ANTXR2: variants seen among roughly 807,000 people sequenced by gnomAD.
ANTXR2 encodes the protein anthrax toxin receptor 2.
Under a neutral mutation model 73.7 loss-of-function variants are expected in ANTXR2, and 44 were observed. The observed-to-expected ratio is 0.60, with a 90% CI of 0.47 to 0.77. The LOEUF (loss-of-function observed/expected upper bound fraction) is 0.77. Among genes scored for constraint, ANTXR2 ranks in the 30% least tolerant of loss-of-function variants. The pLI is 0.00. For synonymous variants in ANTXR2, 217 were observed against 205.9 expected (o/e 1.05, Z -0.46); for missense variants, 604 against 592.5 (o/e 1.02, Z -0.20).
chr4:80,061,055 G>A (rs145051357), intron 3 of ANTXR2, among the ~76,000 whole-genome samples: 1 of 152,188 alleles, frequency 6.6e-6, no homozygotes, highest in Non-Finnish European at 1.5e-5. Context: ...TCCTCCACAT[G>A]GCTAGGTTGG....
intron 4 of ANTXR2, 61 bp from the exon 5 acceptor site, chr4:80,055,528 C>A: frequency 7.4e-7 from 1 of 1,357,030 alleles, no homozygotes; most frequent in South Asian, 1.3e-5. Context: ...CCAGCATGTT[C>A]CATCAAGCTG....
At chr4:80,031,837 G>T in intron 9 of ANTXR2, 145 bp from the exon 10 acceptor site, 1 of 418,898 alleles carries the variant, frequency 2.4e-6, no homozygotes, top group Non-Finnish European at 4.3e-6. Flanking sequence ...AAAGAGAAGT[G>T]AAAGGGAATG....
chr4:79,957,067 T>C (rs1728916536), intron 16 of ANTXR2, among the ~76,000 whole-genome samples: 1 of 152,160 alleles, frequency 6.6e-6, no homozygotes, highest in Admixed American at 6.6e-5. Context: ...TCATAATTTT[T>C]ATGTGATTCC....
At chr4:79,982,439 A>G (rs764436929) in intron 14 of ANTXR2, among the ~76,000 whole-genome samples, 3 of 152,158 alleles carry the variant, frequency 2.0e-5, no homozygotes, top group Non-Finnish European at 4.4e-5. Flanking sequence ...ATAAGTTGTT[A>G]CAGATCGTAT....
chr4:80,037,087 G>A (rs1733014451), intron 7 of ANTXR2, among the ~76,000 whole-genome samples: 1 of 152,070 alleles, frequency 6.6e-6, no homozygotes, highest in Admixed American at 6.6e-5. Context: ...GATGAAATAC[G>A]CTGCTCCTCA....
intron 16 of ANTXR2, among the ~76,000 whole-genome samples, chr4:79,912,483 C>T (rs996866064): frequency 6.6e-6 from 1 of 151,992 alleles, no homozygotes; most frequent in Non-Finnish European, 1.5e-5. Flanking sequence ...AACTGCCTCC[C>T]TTCTAAAGAA....
At chr4:79,910,849 G>T (rs181355047) in intron 16 of ANTXR2, among the ~76,000 whole-genome samples, 2 of 152,048 alleles carry the variant, frequency 1.3e-5, no homozygotes, top group Non-Finnish European at 2.9e-5. Context: ...AAGAGGAAAA[G>T]GTAAGAAAGA....
chr4:79,914,283 C>T (rs892689794), intron 16 of ANTXR2, among the ~76,000 whole-genome samples: 2 of 152,050 alleles, frequency 1.3e-5, no homozygotes, highest in African/African-American at 4.8e-5. Flanking sequence ...TTTTAGGAAG[C>T]TCAGATTTAT....
At chr4:79,917,817 A>G (rs1727416928) in intron 16 of ANTXR2, among the ~76,000 whole-genome samples, 1 of 152,116 alleles carries the variant, frequency 6.6e-6, no homozygotes, top group Non-Finnish European at 1.5e-5. Flanking sequence ...AAATTATGGT[A>G]CACACAAAGA....
At chr4:80,027,722 G>A (rs1414045952) in intron 10 of ANTXR2, among the ~76,000 whole-genome samples, 1 of 152,130 alleles carries the variant, frequency 6.6e-6, no homozygotes, top group Non-Finnish European at 1.5e-5. Context: ...TTCACAATGT[G>A]TTTATGTATA....
chr4:80,060,100 G>A (rs1057416576), intron 3 of ANTXR2, among the ~76,000 whole-genome samples: 16 of 151,984 alleles, frequency 1.1e-4, no homozygotes, highest in African/African-American at 3.1e-4. Context: ...CTCATCTGTT[G>A]AGCATCTGTT....
At position 80,018,825 on chromosome 4, in the gene ANTXR2, C is replaced by T. The variant is rs4336166; in HGVS notation, c.945+73G>A. ...TCTCCTTTATTGTAGTATGCAACAA[C>T]ACCAAAGATCCATAGATTATTTCTG... On this transcript the variant is annotated intron_variant, in intron 11 of 16. Coordinates refer to ENST00000403729, the MANE Select transcript of ANTXR2 (RefSeq NM_058172.6). 0.44 allele frequency: 523,785 copies of T among 1,190,322 alleles called. 120,970 individuals carry two copies. The highest frequency in any genetic ancestry group is 0.47 in the Non-Finnish European group (404,821 of 857,920). The allele number at this position is 1,190,322 out of a possible 1,614,324, so 73.7% of individuals were successfully genotyped here.
At chr4:80,020,116 G>A (rs868029303) in intron 10 of ANTXR2, among the ~76,000 whole-genome samples, 1 of 152,142 alleles carries the variant, frequency 6.6e-6, no homozygotes, top group African/African-American at 2.4e-5. Context: ...GGTGGCTCAC[G>A]CCTATAGTCC....
intron 16 of ANTXR2, among the ~76,000 whole-genome samples, chr4:79,925,588 A>C (rs960184552): frequency 6.6e-6 from 1 of 152,118 alleles, no homozygotes; most frequent in Non-Finnish European, 1.5e-5. Context: ...CATTTTCCAC[A>C]GTTGATTTGA....
chr4:79,991,615 G>T (rs1217713213), intron 12 of ANTXR2, among the ~76,000 whole-genome samples: 2 of 152,084 alleles, frequency 1.3e-5, no homozygotes, highest in Non-Finnish European at 1.5e-5. Context: ...TATTCCCAAA[G>T]GAATATAAAT....
intron 16 of ANTXR2, among the ~76,000 whole-genome samples, chr4:79,918,394 A>C (rs1352628232): frequency 6.6e-6 from 1 of 152,086 alleles, no homozygotes; most frequent in Non-Finnish European, 1.5e-5. Flanking sequence ...ATAGAAACCC[A>C]GGGAATATAG....
At chr4:79,987,215 C>A (rs923445626) in intron 12 of ANTXR2, among the ~76,000 whole-genome samples, 3 of 151,068 alleles carry the variant, frequency 2.0e-5, no homozygotes, top group Admixed American at 6.6e-5. Context: ...AGGTTGAAAC[C>A]CAATCCAAGG....
intron 16 of ANTXR2, among the ~76,000 whole-genome samples, chr4:79,926,261 T>C (rs1727776804): frequency 6.6e-6 from 1 of 152,144 alleles, no homozygotes; most frequent in African/African-American, 2.4e-5. Flanking sequence ...AACCATGATA[T>C]TCAATTTACC....
intron 7 of ANTXR2, among the ~76,000 whole-genome samples, chr4:80,040,774 AC>A (rs1733203097): frequency 6.6e-6 from 1 of 151,918 alleles, no homozygotes; most frequent in Non-Finnish European, 1.5e-5. Flanking sequence ...ACACACACAC[AC>A]ACACACATAT....
Sources: gnomAD v4.1 joint callset for allele counts (sites outside exome capture counted in the v4.1 genomes callset) on GRCh38, gnomAD v4.1.1 for gene constraint, MANE v1.5 for transcripts, NCBI Gene and HGNC (gene_info 2026-07-23, HGNC 2026-07-21) for gene names.